The following LCOR variants were observed in gnomAD, a reference collection of about 807,000 sequenced individuals.
LCOR encodes the protein ligand dependent nuclear receptor corepressor, also known as ligand-dependent corepressor.
Under a neutral mutation model 64.4 loss-of-function variants are expected in LCOR, and 14 were observed. That is an observed-to-expected ratio of 0.22 (90% CI 0.14 to 0.34). The LOEUF is 0.34. Among genes scored for constraint, LCOR ranks in the 10% least tolerant of loss-of-function variants. The probability of loss-of-function intolerance (pLI) is 1.00; values close to 1 mark genes in which losing one functional copy is unlikely to be tolerated. For synonymous variants in LCOR, 643 were observed against 642.5 expected, an observed-to-expected ratio of 1.00 and a Z score of -0.01; for missense variants, 1,686 against 1,765.3, an observed-to-expected ratio of 0.96 and a Z score of 0.80.
At chr10:96,948,735 T>C (rs1359163145) in intron 5 of LCOR, among the ~76,000 whole-genome samples, 1 of 152,180 alleles carries the variant, frequency 6.6e-6, no homozygotes, top group Non-Finnish European at 1.5e-5. Flanking sequence ...GGTAAGTGAT[T>C]CTTGCCCATA....
intron 7 of LCOR, chr10:96,956,914 A>G: frequency 2.0e-6 from 2 of 985,324 alleles, no homozygotes; most frequent in Non-Finnish European, 2.4e-6. Context: ...GATGGGAGAA[A>G]TAGGGAAAGA....
intron 7 of LCOR, chr10:96,955,935 G>T: frequency 6.2e-7 from 1 of 1,605,284 alleles, no homozygotes; most frequent in Non-Finnish European, 8.5e-7. Context: ...ATACTGTAGA[G>T]TGCCAATTAC....
intron 4 of LCOR, among the ~76,000 whole-genome samples, chr10:96,943,770 C>G (rs573330356): frequency 1.3e-5 from 2 of 149,932 alleles, no homozygotes; most frequent in East Asian, 3.9e-4. Flanking sequence ...AAAAAGCCTT[C>G]TGTCTGAATT....
chr10:96,919,650 A>T (rs1847013898), intron 4 of LCOR, among the ~76,000 whole-genome samples: 1 of 150,848 alleles, frequency 6.6e-6, no homozygotes, highest in African/African-American at 2.4e-5. Flanking sequence ...TTAAACAGTA[A>T]CTCTCCCATT....
intron 2 of LCOR, among the ~76,000 whole-genome samples, chr10:96,888,526 A>AT (rs527719861): frequency 9.9e-5 from 15 of 151,186 alleles, no homozygotes; most frequent in Admixed American, 4.6e-4. Flanking sequence ...AACAAATGTA[A>AT]TTTTTTTTTG....
chr10:96,895,220 A>G (rs1344915949), intron 2 of LCOR, among the ~76,000 whole-genome samples: 1 of 152,062 alleles, frequency 6.6e-6, no homozygotes, highest in Non-Finnish European at 1.5e-5. Flanking sequence ...CTTATCCCCA[A>G]AGTGAACTAG....
At chr10:96,877,555 G>C (rs1160752458) in intron 2 of LCOR, among the ~76,000 whole-genome samples, 3 of 142,124 alleles carry the variant, frequency 2.1e-5, no homozygotes, top group African/African-American at 7.8e-5. Context: ...ATAACTTATT[G>C]ATCATCTTTG....
intron 2 of LCOR, among the ~76,000 whole-genome samples, chr10:96,898,022 G>A (rs1317254441): frequency 3.9e-5 from 6 of 152,132 alleles, no homozygotes; most frequent in Admixed American, 1.3e-4. Context: ...ATTAAAAAGA[G>A]TGTGTTTGCA....
At chr10:96,861,743 G>A (rs773327009) in intron 2 of LCOR, among the ~76,000 whole-genome samples, 7 of 152,058 alleles carry the variant, frequency 4.6e-5, no homozygotes, top group Non-Finnish European at 8.8e-5. Context: ...ATGGGGTTTC[G>A]CCATGTTGGC....
intron 2 of LCOR, among the ~76,000 whole-genome samples, chr10:96,904,063 A>T (rs1374472243): frequency 6.6e-6 from 1 of 152,218 alleles, no homozygotes; most frequent in Non-Finnish European, 1.5e-5. Context: ...AAATCAAGCA[A>T]CAGTCTTGAG....
In LCOR at chr10:96,901,184, CA is replaced by C. The variant is rs1042277072; in HGVS notation, c.-329-6071del. Reference sequence around the variant, plus strand: ...AGCCTGGGCGACAGAGACTCCGTCTCAAAAAAAAAATAATAAAATAAAAAGA... The same window carrying C: ...AGCCTGGGCGACAGAGACTCCGTCTCAAAAAAAAATAATAAAATAAAAAGA... On this transcript the variant is annotated intron_variant, in intron 2 of 7. Transcript: ENST00000421806. Among the ~76,000 whole-genome samples the C allele has an allele frequency of 3.1e-4, 46 of 147,278 alleles. 1 individual carries two copies. In the East Asian group the frequency reaches 4.2e-3, roughly 13 times the overall value.
At chr10:96,894,771 A>G (rs979404175) in intron 2 of LCOR, among the ~76,000 whole-genome samples, 1 of 152,228 alleles carries the variant, frequency 6.6e-6, no homozygotes, top group African/African-American at 2.4e-5. Context: ...AGATATATTT[A>G]GATGTGTTTG....
chr10:96,964,789 T>G (rs1207573090), intron 7 of LCOR, among the ~76,000 whole-genome samples: 1 of 152,156 alleles, frequency 6.6e-6, no homozygotes, highest in Non-Finnish European at 1.5e-5. Flanking sequence ...TTGACTTAGT[T>G]TTTTATAATT....
At chr10:96,889,533 T>C (rs1444896283) in intron 2 of LCOR, among the ~76,000 whole-genome samples, 2 of 152,202 alleles carry the variant, frequency 1.3e-5, no homozygotes, top group Admixed American at 6.5e-5. Flanking sequence ...GTAGCACAAG[T>C]GATCTCGAGC....
At chr10:96,968,158 G>A (rs1299418134) in intron 7 of LCOR, among the ~76,000 whole-genome samples, 1 of 152,160 alleles carries the variant, frequency 6.6e-6, no homozygotes. Flanking sequence ...ACCACAGGAA[G>A]TTTTTATTAA....
At chr10:96,872,935 C>A (rs964158469) in intron 2 of LCOR, among the ~76,000 whole-genome samples, 1 of 148,450 alleles carries the variant, frequency 6.7e-6, no homozygotes, top group Non-Finnish European at 1.5e-5. Context: ...TTTTAAAAAA[C>A]CAAATACTGT....
At chr10:96,914,323 G>A (rs1187919712) in intron 4 of LCOR, among the ~76,000 whole-genome samples, 2 of 151,978 alleles carry the variant, frequency 1.3e-5, no homozygotes, top group Admixed American at 1.3e-4. Flanking sequence ...TAGCCCCCCT[G>A]AGTAGCTGGG....
chr10:96,896,535 C>T (rs1589639582), intron 2 of LCOR, among the ~76,000 whole-genome samples: 2 of 151,892 alleles, frequency 1.3e-5, no homozygotes, highest in African/African-American at 2.4e-5. Context: ...GCGATTCTCC[C>T]GCCTCAGCCT....
At chr10:96,866,872 A>C (rs1034226364) in intron 2 of LCOR, among the ~76,000 whole-genome samples, 6 of 152,148 alleles carry the variant, frequency 3.9e-5, no homozygotes, top group African/African-American at 1.4e-4. Flanking sequence ...CACCGTGCCC[A>C]GCCCCAAACA....
Sources: allele counts gnomAD v4.1 joint callset (sites outside exome capture counted in the v4.1 genomes callset), GRCh38; gene constraint gnomAD v4.1.1; transcripts MANE v1.5; gene names NCBI Gene and HGNC (gene_info 2026-07-23, HGNC 2026-07-21).